SSR1: variants seen among roughly 807,000 people sequenced by gnomAD.
The protein encoded by SSR1 is translocon-associated protein subunit alpha.
Under a neutral mutation model 36.1 loss-of-function variants are expected in SSR1, and 13 were observed. The observed-to-expected ratio is 0.36, with a 90% CI of 0.23 to 0.57. The LOEUF (loss-of-function observed/expected upper bound fraction) is 0.57, where lower values mean the gene tolerates loss of function less well. Among genes scored for constraint, SSR1 ranks in the 20% least tolerant of loss-of-function variants. SSR1 has a pLI of 0.81. For synonymous variants in SSR1, 113 were observed against 118.9 expected (o/e 0.95, Z 0.32); for missense variants, 291 against 338.5 (o/e 0.86, Z 1.10).
At chr6:7,294,552 G>C (rs145488191) in intron 7 of SSR1, among the ~76,000 whole-genome samples, 1 of 152,160 alleles carries the variant, frequency 6.6e-6, no homozygotes, top group African/African-American at 2.4e-5. Flanking sequence ...TTAGCCGGGC[G>C]TGGTGGCACG....
rs997623361 is a variant in SSR1, at chr6:7,309,998, C to T, written c.111G>A (p.Glu37=). The change falls in exon 2 of 8, where the codon GAG becomes GAA. Residue 37 remains glutamate (E), a synonymous_variant. Coordinates refer to ENST00000244763, the MANE Select transcript of SSR1 (RefSeq NM_003144.5). ...GLLAVAQDLT[E]DEETVEDSII... ...TGGAATCTTCTACTGTTTCTTCATC[C>T]TCTGTAAGATCTTGTGCCACTGCTA... 6.2e-7 allele frequency: 1 copy of T among 1,613,804 alleles called. No homozygotes were observed. The highest frequency in any genetic ancestry group is 8.5e-7 in the Non-Finnish European group (1 of 1,179,898).
Position 7,301,578 on chromosome 6 carries a change from A to C in SSR1, c.281-6T>G, listed in dbSNP as rs769583997. The C allele has an allele frequency of 4.4e-6, 7 of 1,600,380 alleles. No homozygotes were observed. The highest frequency in any genetic ancestry group is 6.0e-6 in the Non-Finnish European group (7 of 1,176,404). Reference sequence around the variant, plus strand: ...AATGTTATTTGCTGGAAAATCTGAGAAACAAAATAGAGACAAAAAAATTAG... The same window carrying C: ...AATGTTATTTGCTGGAAAATCTGAGCAACAAAATAGAGACAAAAAAATTAG... On this transcript the variant is annotated splice_polypyrimidine_tract_variant and splice_region_variant and intron_variant, in intron 3 of 7. Transcript: ENST00000244763.
In SSR1 at chr6:7,305,823, T is replaced by A. The variant is rs76443460; in HGVS notation, c.193-2186A>T. On this transcript the variant is annotated intron_variant, in intron 2 of 7. Coordinates refer to ENST00000244763, the MANE Select transcript of SSR1 (RefSeq NM_003144.5). Reference sequence around the variant, plus strand: ...CTGAAGGCAATGTTGCTGCCAAGACTGAAAACTCATTTAGGGATTTAAACA... The same window carrying A: ...CTGAAGGCAATGTTGCTGCCAAGACAGAAAACTCATTTAGGGATTTAAACA... Among the ~76,000 whole-genome samples, 867 of 152,350 alleles carry A rather than the reference T, an allele frequency of 5.7e-3. 5 individuals carry two copies. The highest frequency in any genetic ancestry group is 0.02 in the African/African-American group (815 of 41,588).
Position 7,303,657 on chromosome 6 carries a change from AGAG to A in SSR1, c.193-23_193-21del, listed in dbSNP as rs1757987337. ...TTCTACCTAAGAAAAAGAACAATTAAGAGGAGATTACTATGGGAGAAAAAAAAA... is the reference window on the plus strand; with the variant it reads ...TTCTACCTAAGAAAAAGAACAATTAAGAGATTACTATGGGAGAAAAAAAAA... On this transcript the variant is annotated intron_variant, in intron 2 of 7. Coordinates refer to ENST00000244763, the MANE Select transcript of SSR1 (RefSeq NM_003144.5). 6.4e-7 allele frequency: 1 copy of A among 1,557,094 alleles called. No homozygotes were observed. Among genetic ancestry groups the A allele is most frequent in the South Asian group, 1.1e-5 (1 of 88,734 alleles).
intron 7 of SSR1, among the ~76,000 whole-genome samples, chr6:7,292,441 T>A (rs60066572): frequency 0.37 from 56,240 of 152,080 alleles, 10,487 homozygotes; most frequent in South Asian, 0.43. Flanking sequence ...CCACTGCCTC[T>A]GCTTAGGCCC....
rs1303746017 is a variant in SSR1, at chr6:7,282,801, A to T, written c.*7063T>A. The T allele has an allele frequency of 1.3e-5, 2 of 152,276 alleles. No individual in the cohort carries two copies. The highest frequency in any genetic ancestry group is 2.9e-5 in the Non-Finnish European group (2 of 68,044). 9.4% of individuals were successfully genotyped at this position (152,276 alleles called of 1,614,324 possible). A position where few individuals can be genotyped will look rare whatever the true frequency, so the allele number is the denominator to read the frequency against. On this transcript the variant is annotated 3_prime_UTR_variant, in exon 8 of 8. Coordinates refer to ENST00000244763, the MANE Select transcript of SSR1 (RefSeq NM_003144.5). ...CAAAGGGCCAGCAGCTTGTAGGACC[A>T]AATGAGAAAAATACATAATCATTAT...
At chr6:7,294,727 T>C (rs1757757534) in intron 7 of SSR1, among the ~76,000 whole-genome samples, 1 of 147,276 alleles carries the variant, frequency 6.8e-6, no homozygotes, top group Non-Finnish European at 1.5e-5. Context: ...ATAGGATTAA[T>C]GAAGTCAGGA....
At chr6:7,307,698 A>G (rs1758101517) in intron 2 of SSR1, among the ~76,000 whole-genome samples, 4 of 152,100 alleles carry the variant, frequency 2.6e-5, no homozygotes, top group Admixed American at 2.6e-4. Context: ...AGACTCAGCT[A>G]ATTTTTTTAG....
intron 2 of SSR1, among the ~76,000 whole-genome samples, chr6:7,306,664 C>T (rs1479508029): frequency 6.6e-6 from 1 of 150,702 alleles, no homozygotes; most frequent in African/African-American, 2.4e-5. Flanking sequence ...TGCCTGTAAT[C>T]CCAGCACTTC....
chr6:7,313,130 G>C lies in SSR1; in HGVS notation c.-10C>G, dbSNP rs191372283. ...GGGGGAGGAGTCTCATGGCGCTGCC[G>C]GTCCAGTGTCCAGTTTCCGTCGGCT... On this transcript the variant is annotated 5_prime_UTR_variant, in exon 1 of 8. Coordinates refer to ENST00000244763, the MANE Select transcript of SSR1 (RefSeq NM_003144.5). 2.5e-6 allele frequency: 4 copies of C among 1,600,008 alleles called. No homozygotes were observed. The highest frequency in any genetic ancestry group is 3.4e-5 in the Admixed American group (2 of 58,662).
At chr6:7,293,054 C>A (rs1348517185) in intron 7 of SSR1, among the ~76,000 whole-genome samples, 2 of 152,150 alleles carry the variant, frequency 1.3e-5, no homozygotes, top group Non-Finnish European at 2.9e-5. Context: ...ACTACTCCCC[C>A]ACGGCAACCC....
At chr6:7,298,150 GTAGT>G in intron 5 of SSR1, 149 bp from the exon 6 acceptor site, 1 of 539,468 alleles carries the variant, frequency 1.9e-6, no homozygotes, top group Non-Finnish European at 3.1e-6. Flanking sequence ...TTAAATCCAG[GTAGT>G]TAAGTTTTAT....
Position 7,287,776 on chromosome 6 carries a change from T to C in SSR1, c.*2088A>G, listed in dbSNP as rs915201785. On this transcript the variant is annotated 3_prime_UTR_variant, in exon 8 of 8. Coordinates refer to ENST00000244763, the MANE Select transcript of SSR1 (RefSeq NM_003144.5). Reference sequence around the variant, plus strand: ...ACATTTTAAAAAGACATTTAAAAAATAGGCTACTTATTAAGTGTGCTTGAA... The same window carrying C: ...ACATTTTAAAAAGACATTTAAAAAACAGGCTACTTATTAAGTGTGCTTGAA... The C allele has an allele frequency of 6.6e-6, 1 of 152,654 alleles. No homozygotes were observed. The highest frequency in any genetic ancestry group is 1.5e-5 in the Non-Finnish European group (1 of 68,048). The allele number at this position is 152,654 out of a possible 1,614,324, so 9.5% of individuals were successfully genotyped here.
At chr6:7,305,424 C>A (rs1326183762) in intron 2 of SSR1, among the ~76,000 whole-genome samples, 1 of 152,116 alleles carries the variant, frequency 6.6e-6, no homozygotes, top group African/African-American at 2.4e-5. Context: ...TATATGGGAC[C>A]AGACCATGAT....
At chr6:7,297,744 G>A (rs1757833973) in intron 6 of SSR1, among the ~76,000 whole-genome samples, 179 bp downstream of exon 6, 1 of 151,970 alleles carries the variant, frequency 6.6e-6, no homozygotes, top group Non-Finnish European at 1.5e-5. Context: ...AAAAAAGAAA[G>A]TAAGTTTAAA....
rs1178124316 is a variant in SSR1 at position 7,283,711 on chromosome 6, C to A, written c.*6153G>T. The A allele has an allele frequency of 6.6e-6, 1 of 152,204 alleles. No individual in the cohort carries two copies. The highest frequency in any genetic ancestry group is 2.1e-4 in the South Asian group (1 of 4,828). 9.4% of individuals were successfully genotyped at this position (152,204 alleles called of 1,614,324 possible). On this transcript the variant is annotated 3_prime_UTR_variant, in exon 8 of 8. Coordinates refer to ENST00000244763, the MANE Select transcript of SSR1 (RefSeq NM_003144.5). Reference sequence around the variant, plus strand: ...TTTATAAATGAAGCTTGACTCTGGACTGTGATAGCAGAAACAAATACAGGC... The same window carrying A: ...TTTATAAATGAAGCTTGACTCTGGAATGTGATAGCAGAAACAAATACAGGC...
At chr6:7,309,771 C>T (rs1219984509) in intron 2 of SSR1, 146 bp downstream of exon 2, 3 of 685,212 alleles carry the variant, frequency 4.4e-6, no homozygotes, top group African/African-American at 1.8e-5. Flanking sequence ...TTCCTGAGGC[C>T]TCCCCAGTCA....
chr6:7,299,008 A>C, intron 4 of SSR1, 185 bp from the exon 5 acceptor site: 1 of 573,892 alleles, frequency 1.7e-6, no homozygotes. Flanking sequence ...ATTTTCTCAC[A>C]TGAAATAAAG....
chr6:7,289,896 C>T lies in SSR1; in HGVS notation c.829G>A (p.Ala277Thr), dbSNP rs774238351. The change falls in exon 8 of 8, where the codon GCA (alanine) becomes ACA (threonine). Residue 277 changes from alanine to threonine, a missense_variant. Transcript: ENST00000244763. ...TCAGATCCCACTGATCTCTTCTGTGCCCGTTTCCTGGGCAACCTTCTTGGT... is the reference window on the plus strand; with the variant it reads ...TCAGATCCCACTGATCTCTTCTGTGTCCGTTTCCTGGGCAACCTTCTTGGT... ...ASPRRLPRKR[A>T]QKRSVGSDE is the part of the protein sequence containing the mutation. The T allele has an allele frequency of 6.5e-7, 1 of 1,541,786 alleles. No homozygotes were observed. Among genetic ancestry groups the T allele is most frequent in the Non-Finnish European group, 8.7e-7 (1 of 1,155,126 alleles).
Sources: allele counts gnomAD v4.1 joint callset (sites outside exome capture counted in the v4.1 genomes callset), GRCh38; gene constraint gnomAD v4.1.1; transcripts MANE v1.5; gene names NCBI Gene and HGNC (gene_info 2026-07-23, HGNC 2026-07-21).